SERF1B: variants seen among roughly 807,000 people sequenced by gnomAD.
The protein encoded by SERF1B is small EDRK-rich factor 1.
chr5:70,028,106 AAAC>A (rs1320899378), intron 2 of SERF1B, among the ~76,000 whole-genome samples: 1 of 12,508 alleles, frequency 8.0e-5, no homozygotes, highest in African/African-American at 3.4e-4. Flanking sequence ...TGTCTCAAAA[AAAC>A]AACAACAAAA....
chr5:70,032,320 CTG>C (rs1299052346), intron 2 of SERF1B: 2 of 694,406 alleles, frequency 2.9e-6, no homozygotes, highest in East Asian at 8.7e-5. Context: ...TGTAGGGACT[CTG>C]AGATCATGCA....
chr5:70,035,346 TC>T (rs1482807433), intron 2 of SERF1B, among the ~76,000 whole-genome samples: 2 of 134,876 alleles, frequency 1.5e-5, no homozygotes, highest in African/African-American at 5.5e-5. Flanking sequence ...ACCATGCCCA[TC>T]CCTGGAGAAT....
chr5:70,029,688 T>G (rs1774124200), intron 2 of SERF1B: 1 of 452,684 alleles, frequency 2.2e-6, no homozygotes. Context: ...GCAGCCACTA[T>G]TAAGAGTCAT....
chr5:70,029,718 C>G (rs1165196562), intron 2 of SERF1B: 1 of 454,728 alleles, frequency 2.2e-6, no homozygotes, highest in African/African-American at 2.0e-5. Flanking sequence ...AGATTAAAGA[C>G]CTTAATTTAA....
At chr5:70,036,621 ACACACACACT>A (rs1258563657) in intron 2 of SERF1B, among the ~76,000 whole-genome samples, 3 of 110,152 alleles carry the variant, frequency 2.7e-5, no homozygotes, top group Non-Finnish European at 5.6e-5. Flanking sequence ...ACACACACAC[ACACACACACT>A]CTCTCTCTCT....
chr5:70,029,089 C>T (rs1247823766), intron 2 of SERF1B, among the ~76,000 whole-genome samples: 3 of 151,704 alleles, frequency 2.0e-5, no homozygotes, highest in Non-Finnish European at 2.9e-5. Context: ...GGTCAGAGGT[C>T]GAGCATTAAA....
intron 2 of SERF1B, chr5:70,029,935 CG>C (rs1774130589): frequency 6.1e-6 from 2 of 326,414 alleles, no homozygotes; most frequent in Admixed American, 4.4e-5. Flanking sequence ...TTTGTAGAAA[CG>C]GGGTTTCATC....
intron 2 of SERF1B, among the ~76,000 whole-genome samples, chr5:70,036,560 C>T: frequency 7.8e-6 from 1 of 128,672 alleles, no homozygotes; most frequent in Non-Finnish European, 1.6e-5. Context: ...GCCCTCCACC[C>T]TGGGTGATAA....
intron 2 of SERF1B, 141 bp from the exon 3 acceptor site, chr5:70,041,383 T>G: frequency 2.9e-6 from 2 of 693,988 alleles, no homozygotes; most frequent in South Asian, 3.3e-5. Context: ...ATGGTATACT[T>G]CTCTCAGTGC....
At chr5:70,034,988 C>A (rs1580715779) in intron 2 of SERF1B, among the ~76,000 whole-genome samples, 1 of 15,254 alleles carries the variant, frequency 6.6e-5, no homozygotes, top group East Asian at 1.5e-3. Flanking sequence ...AAGAGGGAAA[C>A]AGGTCAATTA....
chr5:70,035,386 T>TTATTATTA (rs1423456519), intron 2 of SERF1B, among the ~76,000 whole-genome samples: 1,470 of 123,096 alleles, frequency 0.012, 70 homozygotes, highest in African/African-American at 0.04. Context: ...TATTATTATT[T>TTATTATTA]TTTTTTTTTT....
chr5:70,036,434 A>G (rs1431494489), intron 2 of SERF1B, among the ~76,000 whole-genome samples: 1 of 93,020 alleles, frequency 1.1e-5, no homozygotes, highest in Non-Finnish European at 2.1e-5. Context: ...CAAAAAAAAA[A>G]AAATTAGGTG....
At chr5:70,029,362 C>T (rs1774114221) in intron 2 of SERF1B, among the ~76,000 whole-genome samples, 1 of 151,290 alleles carries the variant, frequency 6.6e-6, no homozygotes, top group African/African-American at 2.4e-5. Flanking sequence ...TCTCAAACTA[C>T]TGACCTCAAG....
chr5:70,041,248 C>G (rs1251023726), intron 2 of SERF1B, among the ~76,000 whole-genome samples: 1 of 149,242 alleles, frequency 6.7e-6, no homozygotes, highest in Non-Finnish European at 1.5e-5. Context: ...GTAGTGGTAT[C>G]TCATTGTAGT....
chr5:70,028,552 C>CA (rs1157134405), intron 2 of SERF1B, among the ~76,000 whole-genome samples: 8,364 of 91,456 alleles, frequency 0.091, 1,142 homozygotes, highest in African/African-American at 0.34. Context: ...GACTCCGTCT[C>CA]AAAAAAAAAA....
intron 2 of SERF1B, among the ~76,000 whole-genome samples, chr5:70,036,629 A>ACTCACTCTCTCTCTCTCTCTCT (rs1774192033): frequency 2.0e-5 from 1 of 49,836 alleles, no homozygotes; most frequent in Non-Finnish European, 4.4e-5. Flanking sequence ...ACACACACAC[A>ACTCACTCTCTCTCTCTCTCTCT]CTCTCTCTCT....
intron 2 of SERF1B, among the ~76,000 whole-genome samples, chr5:70,035,391 T>A: frequency 7.2e-6 from 1 of 138,714 alleles, no homozygotes; most frequent in Non-Finnish European, 1.6e-5. Flanking sequence ...TTATTTTTTT[T>A]TTTTTTTGAG....
chr5:70,029,485 T>A (rs1396419506), intron 2 of SERF1B, among the ~76,000 whole-genome samples: 16 of 149,582 alleles, frequency 1.1e-4, no homozygotes, highest in Non-Finnish European at 2.2e-4. Context: ...TATTACGCTT[T>A]AAGTTCTAGG....
intron 2 of SERF1B, among the ~76,000 whole-genome samples, chr5:70,037,517 T>C (rs1774207840): frequency 6.7e-6 from 1 of 148,388 alleles, no homozygotes; most frequent in Non-Finnish European, 1.5e-5. Context: ...GGTATGGTGG[T>C]GTGTGCCTGT....
Sources: allele counts gnomAD v4.1 joint callset (sites outside exome capture counted in the v4.1 genomes callset), GRCh38; gene constraint gnomAD v4.1.1; transcripts MANE v1.5; gene names NCBI Gene and HGNC (gene_info 2026-07-23, HGNC 2026-07-21).